The following PCDH7 variants were observed in gnomAD, a reference collection of about 807,000 sequenced individuals.
The protein encoded by PCDH7 is protocadherin 7.
A neutral mutation model predicts 58.9 loss-of-function variants in PCDH7; 17 were observed. That is an observed-to-expected ratio of 0.29 (90% CI 0.20 to 0.43). The LOEUF is 0.43. Ranked by LOEUF, PCDH7 falls within the 20% of genes least tolerant of loss-of-function variation. PCDH7 has a pLI of 1.00. For synonymous variants in PCDH7, 664 were observed against 616.4 expected, an observed-to-expected ratio of 1.08 and a Z score of -1.14; for missense variants, 1,274 against 1,441.0, an observed-to-expected ratio of 0.88 and a Z score of 1.88.
intron 3 of PCDH7, among the ~76,000 whole-genome samples, chr4:31,092,393 A>G (rs994153445): frequency 3.9e-5 from 6 of 151,988 alleles, no homozygotes; most frequent in African/African-American, 1.4e-4. Flanking sequence ...AGCAGCGATA[A>G]CATTTTTATT....
exon 2 of PCDH7, chr4:30,731,513 T>C (rs1287163095): frequency 6.6e-6 from 1 of 152,160 alleles, no homozygotes; most frequent in Non-Finnish European, 1.5e-5. Flanking sequence ...GATATTTATA[T>C]CATTTTTGAA....
At chr4:31,021,318 A>G (rs977900928) in intron 3 of PCDH7, among the ~76,000 whole-genome samples, 2 of 152,152 alleles carry the variant, frequency 1.3e-5, no homozygotes, top group Non-Finnish European at 2.9e-5. Flanking sequence ...TAGATTCATC[A>G]CCACACAAAC....
intron 3 of PCDH7, among the ~76,000 whole-genome samples, chr4:31,087,212 G>T (rs1298415118): frequency 1.3e-5 from 2 of 152,094 alleles, no homozygotes; most frequent in African/African-American, 4.8e-5. Context: ...TACGTCAACT[G>T]CTAGCTATGG....
At chr4:30,975,263 C>G (rs1176070203) in intron 3 of PCDH7, among the ~76,000 whole-genome samples, 1 of 151,386 alleles carries the variant, frequency 6.6e-6, no homozygotes, top group Non-Finnish European at 1.5e-5. Flanking sequence ...TTGTCTGCAA[C>G]CACCTATAGT....
At chr4:30,978,783 A>G (rs1385227178) in intron 3 of PCDH7, among the ~76,000 whole-genome samples, 1 of 152,136 alleles carries the variant, frequency 6.6e-6, no homozygotes, top group African/African-American at 2.4e-5. Context: ...CTATTAATTA[A>G]TGTACTACAT....
chr4:30,838,445 C>A (rs1730787397), intron 1 of PCDH7, among the ~76,000 whole-genome samples: 1 of 152,032 alleles, frequency 6.6e-6, no homozygotes, highest in South Asian at 2.1e-4. Flanking sequence ...CCAGTCAAAT[C>A]CCTTGCCTCG....
chr4:31,085,663 T>A (rs892249877), intron 3 of PCDH7, among the ~76,000 whole-genome samples: 1 of 152,162 alleles, frequency 6.6e-6, no homozygotes, highest in Non-Finnish European at 1.5e-5. Flanking sequence ...CATTTCAACA[T>A]GAGATTTGGA....
At chr4:30,784,718 T>G (rs900687997) in intron 1 of PCDH7, among the ~76,000 whole-genome samples, 2 of 152,020 alleles carry the variant, frequency 1.3e-5, no homozygotes. Context: ...AATACTATTA[T>G]AGGAGAAGAA....
rs575637676 is a variant in PCDH7 at position 31,140,966 on chromosome 4, G to T, written c.*8-1507G>T. On this transcript the variant is annotated intron_variant, in intron 3 of 3. Transcript: ENST00000509759. The stretch of plus-strand genomic sequence containing the variant: ...AGAACACTAGAATTTCCTTGTTAAC[G>T]CTTAGTCAAGGGCATAAAAATCCCA... 7.6e-4 allele frequency among the ~76,000 whole-genome samples: 115 copies of T among 152,146 alleles called. 2 individuals carry two copies. The South Asian group carries it at 0.023, about 31-fold the overall frequency.
At chr4:30,831,035 G>A (rs893767439) in intron 1 of PCDH7, among the ~76,000 whole-genome samples, 2 of 151,914 alleles carry the variant, frequency 1.3e-5, no homozygotes, top group Admixed American at 1.3e-4. Context: ...TGAAAGTATG[G>A]GTGTGCCGAC....
Position 30,846,009 on chromosome 4 carries a change from A to G in PCDH7, c.71-74144A>G, listed in dbSNP as rs185073289. Among the ~76,000 whole-genome samples, 20 of 152,294 alleles carry G rather than the reference A, an allele frequency of 1.3e-4. No individual in the cohort carries two copies. In the East Asian group the frequency reaches 3.7e-3, roughly 28 times the overall value. On this transcript the variant is annotated intron_variant, in intron 1 of 3. Transcript: ENST00000509759. ...GAATTTTCATCTTGGAATTATTGGTAGTCTAATAATGGTAGTCTAATGGTA... is the reference window on the plus strand; with the variant it reads ...GAATTTTCATCTTGGAATTATTGGTGGTCTAATAATGGTAGTCTAATGGTA...
At chr4:30,953,543 G>A (rs1351487572) in intron 3 of PCDH7, among the ~76,000 whole-genome samples, 1 of 148,526 alleles carries the variant, frequency 6.7e-6, no homozygotes, top group African/African-American at 2.5e-5. Flanking sequence ...GAAGAAACTA[G>A]CAATTTCATT....
intron 3 of PCDH7, among the ~76,000 whole-genome samples, chr4:30,979,321 G>C (rs1750351556): frequency 7.7e-6 from 1 of 129,414 alleles, no homozygotes; most frequent in African/African-American, 3.3e-5. Context: ...GTGAAACTCT[G>C]TCTCAAAAAA....
chr4:30,962,793 A>C (rs28538236), intron 3 of PCDH7, among the ~76,000 whole-genome samples: 49,567 of 140,574 alleles, frequency 0.35, 10,494 homozygotes, highest in African/African-American at 0.58. Context: ...AAAAAAAAAA[A>C]AAAAAAAAAA....
At chr4:30,832,028 C>T (rs531490810) in intron 1 of PCDH7, among the ~76,000 whole-genome samples, 1 of 152,226 alleles carries the variant, frequency 6.6e-6, no homozygotes, top group African/African-American at 2.4e-5. Context: ...CAAAAAGTAA[C>T]ACTTTAGAAA....
At chr4:30,885,282 C>T (rs1195441291) in intron 1 of PCDH7, 1 of 152,182 alleles carries the variant, frequency 6.6e-6, no homozygotes, top group Non-Finnish European at 1.5e-5. Flanking sequence ...GCCACGTTGC[C>T]TCAGTTCCAC....
At chr4:31,064,133 G>A (rs551926759) in intron 3 of PCDH7, among the ~76,000 whole-genome samples, 18 of 152,070 alleles carry the variant, frequency 1.2e-4, no homozygotes, top group South Asian at 4.1e-4. Flanking sequence ...AAAACAGAAA[G>A]CTAGAATGCT....
chr4:30,882,705 C>G (rs1171049780), intron 1 of PCDH7, among the ~76,000 whole-genome samples: 1 of 152,140 alleles, frequency 6.6e-6, no homozygotes, highest in Non-Finnish European at 1.5e-5. Context: ...ATGCTTTACT[C>G]TTTGAAGAGT....
chr4:31,117,300 A>G (rs1717119736), intron 3 of PCDH7, among the ~76,000 whole-genome samples: 1 of 151,926 alleles, frequency 6.6e-6, no homozygotes, highest in South Asian at 2.1e-4. Context: ...CCTGGGCTAA[A>G]CTCTCACATG....
Sources: gnomAD v4.1 joint callset for allele counts (sites outside exome capture counted in the v4.1 genomes callset) on GRCh38, gnomAD v4.1.1 for gene constraint, MANE v1.5 for transcripts, NCBI Gene and HGNC (gene_info 2026-07-23, HGNC 2026-07-21) for gene names.